Variants in GCNT1 observed in about 807,000 individuals in gnomAD.
GCNT1 encodes the protein glucosaminyl (N-acetyl) transferase 1.
Under a neutral mutation model 26.2 loss-of-function variants are expected in GCNT1, and 16 were observed. The ratio of observed to expected loss-of-function variants is 0.61; its 90% confidence interval spans 0.41 to 0.93. The LOEUF is 0.93. Among genes scored for constraint, GCNT1 ranks in the 40% least tolerant of loss-of-function variants. The probability of loss-of-function intolerance (pLI) is 0.00; values close to 1 mark genes in which losing one functional copy is unlikely to be tolerated. For synonymous variants in GCNT1, 183 were observed against 190.8 expected, an observed-to-expected ratio of 0.96 and a Z score of 0.34; for missense variants, 477 against 526.7, an observed-to-expected ratio of 0.91 and a Z score of 0.92.
At chr9:76,498,641 C>G (rs144763827) in intron 2 of GCNT1, among the ~76,000 whole-genome samples, 1 of 151,776 alleles carries the variant, frequency 6.6e-6, no homozygotes, top group East Asian at 1.9e-4. Context: ...GGTGTGGGGG[C>G]GGGTGCCTGT....
At chr9:76,425,012 G>T (rs1185643731) in intron 1 of GCNT1, among the ~76,000 whole-genome samples, 1 of 151,546 alleles carries the variant, frequency 6.6e-6, no homozygotes, top group African/African-American at 2.4e-5. Flanking sequence ...GGTATCACGC[G>T]CCTGTAGTCC....
chr9:76,402,704 G>A, the GCNT1 span, among the ~76,000 whole-genome samples: 1 of 146,822 alleles, frequency 6.8e-6, no homozygotes, highest in Non-Finnish European at 1.5e-5. Flanking sequence ...TTTTGAGACA[G>A]TGTCTCACTC....
At chr9:76,475,833 G>T (rs976443367) in intron 2 of GCNT1, among the ~76,000 whole-genome samples, 4 of 152,056 alleles carry the variant, frequency 2.6e-5, no homozygotes, top group Non-Finnish European at 5.9e-5. Context: ...GGAAACTAAG[G>T]CTCAGAGAGG....
At position 76,502,468 on chromosome 9, in the gene GCNT1, C is replaced by T; in HGVS notation, c.87C>T (p.Phe29=). 1.9e-6 allele frequency: 3 copies of T among 1,613,638 alleles called. No homozygotes were observed. The highest frequency in any genetic ancestry group is 2.2e-5 in the East Asian group (1 of 44,880). Residue 29 remains phenylalanine (F), a synonymous_variant, in exon 4 of 4, where the codon TTC becomes TTT. Coordinates refer to ENST00000376730, the MANE Select transcript of GCNT1 (RefSeq NM_001490.5). The part of the protein sequence containing the change: ...FMVLVLSLIT[F]SVLRIHQKPE... The stretch of plus-strand genomic sequence containing the variant: ...TTCTTGTTTTATCCCTAATCACCTT[C>T]TCCGTTTTAAGGATTCATCAAAAGC...
At chr9:76,412,042 C>T in the GCNT1 span, among the ~76,000 whole-genome samples, 33 of 152,244 alleles carry the variant, frequency 2.2e-4, no homozygotes, top group Non-Finnish European at 4.3e-4. Flanking sequence ...GGTTGCTATA[C>T]AGTTTGCAAT....
At chr9:76,399,867 T>C in the GCNT1 span, among the ~76,000 whole-genome samples, 1 of 152,202 alleles carries the variant, frequency 6.6e-6, no homozygotes, top group Admixed American at 6.5e-5. Flanking sequence ...AGCTGTTGTA[T>C]ATCCATATAA....
the GCNT1 span, among the ~76,000 whole-genome samples, chr9:76,395,258 A>C: frequency 6.6e-6 from 1 of 152,146 alleles, no homozygotes; most frequent in Non-Finnish European, 1.5e-5. Context: ...TAACGTCTCG[A>C]AGACAAAGAA....
intron 2 of GCNT1, among the ~76,000 whole-genome samples, chr9:76,493,032 G>A (rs529153599): frequency 6.6e-5 from 10 of 152,230 alleles, no homozygotes; most frequent in East Asian, 1.9e-4. Context: ...CGAGGGAGTC[G>A]GGTGACAGGG....
At chr9:76,495,169 G>A (rs894370917) in intron 2 of GCNT1, among the ~76,000 whole-genome samples, 1 of 152,204 alleles carries the variant, frequency 6.6e-6, no homozygotes. Context: ...TCACCAAGAT[G>A]TGTCCAGCAT....
At chr9:76,445,308 A>G (rs1823557359) in intron 1 of GCNT1, among the ~76,000 whole-genome samples, 1 of 152,148 alleles carries the variant, frequency 6.6e-6, no homozygotes, top group African/African-American at 2.4e-5. Flanking sequence ...ATCTCTCATT[A>G]TCACTGTATG....
chr9:76,399,728 A>G, the GCNT1 span: 1 of 597,736 alleles, frequency 1.7e-6, no homozygotes, highest in South Asian at 2.1e-5. Context: ...AATGGAATGG[A>G]TGAATGGATG....
At chr9:76,459,721 A>G (rs1235777297) in intron 1 of GCNT1, among the ~76,000 whole-genome samples, 2 of 152,108 alleles carry the variant, frequency 1.3e-5, no homozygotes, top group Non-Finnish European at 2.9e-5. Context: ...GCTAAGATGC[A>G]TTTTCACCCC....
At chr9:76,465,449 T>C (rs1221073944) in intron 2 of GCNT1, among the ~76,000 whole-genome samples, 1 of 152,178 alleles carries the variant, frequency 6.6e-6, no homozygotes, top group Admixed American at 6.5e-5. Context: ...AAATGATCGC[T>C]GTTGCTGTGT....
intron 1 of GCNT1, among the ~76,000 whole-genome samples, chr9:76,443,406 C>A (rs897114639): frequency 6.6e-6 from 1 of 152,184 alleles, no homozygotes; most frequent in African/African-American, 2.4e-5. Context: ...CTAAAAGTAT[C>A]CCTTATGGGA....
In GCNT1 at chr9:76,503,318, C is replaced by A; in HGVS notation, c.937C>A (p.Gln313Lys). The change falls in exon 4 of 4, where the codon CAA becomes AAA. Residue 313 changes from glutamine (Q) to lysine (K), a missense_variant. Gln to Lys is a moderately conservative substitution (Grantham distance 53). Coordinates refer to ENST00000376730, the MANE Select transcript of GCNT1 (RefSeq NM_001490.5). The stretch of plus-strand genomic sequence containing the variant: ...AATCCAAAAGTTGATGGAGTGGGCA[C>A]AAGACACATACAGCCCTGATGAGTA... Reference protein sequence around the residue: ...EKIQKLMEWAQDTYSPDEYLW... With the variant: ...EKIQKLMEWAKDTYSPDEYLW... 1 of 1,614,058 alleles carries A rather than the reference C, an allele frequency of 6.2e-7. No homozygotes were observed. Among genetic ancestry groups the A allele is most frequent in the Non-Finnish European group, 8.5e-7 (1 of 1,179,974 alleles).
chr9:76,486,378 A>T (rs1824574839), intron 2 of GCNT1, among the ~76,000 whole-genome samples: 1 of 152,240 alleles, frequency 6.6e-6, no homozygotes, highest in Admixed American at 6.5e-5. Flanking sequence ...TTTGCTGTAT[A>T]AAAATGCCTT....
chr9:76,488,480 T>C (rs1824641334), intron 2 of GCNT1, among the ~76,000 whole-genome samples: 1 of 152,106 alleles, frequency 6.6e-6, no homozygotes, highest in South Asian at 2.1e-4. Context: ...TTCCAACCCT[T>C]TTATTGAGTT....
chr9:76,490,507 G>A (rs1250385346), intron 2 of GCNT1, among the ~76,000 whole-genome samples: 1 of 152,144 alleles, frequency 6.6e-6, no homozygotes, highest in African/African-American at 2.4e-5. Flanking sequence ...GCACTGACAA[G>A]GTCTGATTTC....
At chr9:76,496,673 C>A (rs954668945) in intron 2 of GCNT1, among the ~76,000 whole-genome samples, 1 of 152,126 alleles carries the variant, frequency 6.6e-6, no homozygotes, top group Admixed American at 6.5e-5. Flanking sequence ...ACTAGCTTTC[C>A]TTCTTATTGA....
Sources: gnomAD v4.1 joint callset for allele counts (sites outside exome capture counted in the v4.1 genomes callset) on GRCh38, gnomAD v4.1.1 for gene constraint, MANE v1.5 for transcripts, NCBI Gene and HGNC (gene_info 2026-07-23, HGNC 2026-07-21) for gene names.